ROBO1: variants seen among roughly 807,000 people sequenced by gnomAD.
ROBO1 encodes roundabout guidance receptor 1, also known as roundabout homolog 1.
Under a neutral mutation model 195.9 loss-of-function variants are expected in ROBO1, and 149 were observed. The observed-to-expected ratio is 0.76, with a 90% CI of 0.67 to 0.87. ROBO1 has a LOEUF of 0.87. ROBO1 is among the 40% of genes least tolerant of loss of function. ROBO1 has a pLI of 0.00. For synonymous variants in ROBO1, 816 were observed against 733.2 expected (o/e 1.11, Z -1.82); for missense variants, 1,933 against 2,068.3 (o/e 0.93, Z 1.27).
At chr3:78,661,315 A>C in intron 15 of ROBO1, 54 bp from the exon 16 acceptor site, 1 of 1,114,034 alleles carries the variant, frequency 9.0e-7, no homozygotes, top group Non-Finnish European at 1.2e-6. Context: ...TTGGTTCATC[A>C]GAAAATAATA....
At chr3:79,062,082 A>T (rs1217981601) in intron 3 of ROBO1, among the ~76,000 whole-genome samples, 1 of 152,078 alleles carries the variant, frequency 6.6e-6, no homozygotes, top group East Asian at 1.9e-4. Context: ...GATGGGAAAA[A>T]ATTTTTGCAA....
At chr3:79,018,480 G>A (rs1044923729) in intron 3 of ROBO1, 1 of 1,613,762 alleles carries the variant, frequency 6.2e-7, no homozygotes, top group African/African-American at 1.3e-5. Flanking sequence ...GGTGGATCCT[G>A]TATACAGTCT....
At chr3:79,707,436 G>T (rs904365519) in intron 1 of ROBO1, among the ~76,000 whole-genome samples, 9 of 151,976 alleles carry the variant, frequency 5.9e-5, no homozygotes, top group Non-Finnish European at 1.0e-4. Context: ...TATTTTCAAA[G>T]AATCTGCTTT....
At chr3:79,520,060 T>C (rs570802707) in intron 2 of ROBO1, among the ~76,000 whole-genome samples, 2 of 151,202 alleles carry the variant, frequency 1.3e-5, no homozygotes, top group South Asian at 4.2e-4. Context: ...CTCAGCTACT[T>C]AGAAGGTAGG....
At chr3:78,792,807 A>T (rs2084061407) in intron 4 of ROBO1, among the ~76,000 whole-genome samples, 1 of 152,122 alleles carries the variant, frequency 6.6e-6, no homozygotes, top group African/African-American at 2.4e-5. Flanking sequence ...TCTATATTGG[A>T]AACAGTCTTT....
At chr3:78,605,495 T>G (rs1417455315) in intron 29 of ROBO1, among the ~76,000 whole-genome samples, 1 of 152,236 alleles carries the variant, frequency 6.6e-6, no homozygotes, top group Non-Finnish European at 1.5e-5. Context: ...GGTTTGGTTT[T>G]GTTTTCTTCC....
At chr3:79,337,010 T>C (rs2034699103) in intron 2 of ROBO1, among the ~76,000 whole-genome samples, 1 of 152,186 alleles carries the variant, frequency 6.6e-6, no homozygotes, top group African/African-American at 2.4e-5. Flanking sequence ...TATAGCCCCT[T>C]TGTTTTGTCC....
chr3:79,681,278 C>T (rs2106975021), intron 1 of ROBO1, among the ~76,000 whole-genome samples: 1 of 152,078 alleles, frequency 6.6e-6, no homozygotes, highest in Non-Finnish European at 1.5e-5. Flanking sequence ...GATGCCTCCA[C>T]TATTTCCAAG....
rs905030340 is a variant in ROBO1, at chr3:79,735,893, A to G, written c.-51+31859T>C. 6.6e-5 allele frequency among the ~76,000 whole-genome samples: 10 copies of G among 152,076 alleles called. No individual in the cohort carries two copies. In the South Asian group the frequency reaches 1.9e-3, roughly 28 times the overall value. The stretch of plus-strand genomic sequence containing the variant: ...CTCAAAAAAAAAAAAAAAACAAAAA[A>G]AAAACAAAAAATGCCTGACACTGCC... On this transcript the variant is annotated intron_variant, in intron 1 of 30. Coordinates refer to ENST00000464233, the MANE Select transcript of ROBO1 (RefSeq NM_002941.4).
At chr3:78,616,902 G>A (rs923853422) in intron 27 of ROBO1, among the ~76,000 whole-genome samples, 2 of 152,088 alleles carry the variant, frequency 1.3e-5, no homozygotes, top group Non-Finnish European at 2.9e-5. Context: ...GTAAAAATAT[G>A]TTGTAACATA....
chr3:78,701,117 G>C (rs1454521421), intron 8 of ROBO1, among the ~76,000 whole-genome samples: 1 of 152,130 alleles, frequency 6.6e-6, no homozygotes, highest in East Asian at 1.9e-4. Flanking sequence ...TGGATGACTT[G>C]TTTGTAATTT....
At chr3:79,603,000 C>T (rs887474028) in intron 1 of ROBO1, among the ~76,000 whole-genome samples, 2 of 152,028 alleles carry the variant, frequency 1.3e-5, no homozygotes, top group Admixed American at 1.3e-4. Flanking sequence ...TACACACATA[C>T]ATTCACTGAC....
At chr3:78,713,145 C>A (rs1269727521) in intron 8 of ROBO1, among the ~76,000 whole-genome samples, 1 of 152,126 alleles carries the variant, frequency 6.6e-6, no homozygotes, top group Non-Finnish European at 1.5e-5. Context: ...AAAGAGTAGT[C>A]TTGGCCTTAG....
chr3:79,750,553 C>T (rs1044447215), intron 1 of ROBO1, among the ~76,000 whole-genome samples: 8 of 152,100 alleles, frequency 5.3e-5, no homozygotes, highest in Non-Finnish European at 1.2e-4. Context: ...AGGAGGAATC[C>T]AGTAGGAGGT....
At chr3:79,551,980 T>TAAAAAAAAAAAAAAAAAAA (rs771824432) in intron 2 of ROBO1, among the ~76,000 whole-genome samples, 1 of 44,222 alleles carries the variant, frequency 2.3e-5, no homozygotes, top group Non-Finnish European at 3.8e-5. Context: ...TCTACAGAGT[T>TAAAAAAAAAAAAAAAAAAA]AAAAAAAAAA....
intron 1 of ROBO1, among the ~76,000 whole-genome samples, chr3:79,735,104 G>A (rs1420608195): frequency 1.3e-5 from 2 of 152,162 alleles, no homozygotes; most frequent in Non-Finnish European, 2.9e-5. Flanking sequence ...AAGCATAGGC[G>A]GATGGATCCA....
At position 79,267,899 on chromosome 3, in the gene ROBO1, A is replaced by G. The variant is rs185662611; in HGVS notation, c.89-142360T>C. ...ATTATATAAGAACACCAGAATTAGC[A>G]AACAGAGAAGCCTGATGAAAGACAT... is the stretch of plus-strand genomic sequence containing the variant. On this transcript the variant is annotated intron_variant, in intron 2 of 30. Transcript: ENST00000464233. Among the ~76,000 whole-genome samples the G allele has an allele frequency of 2.6e-5, 4 of 151,728 alleles. No individual in the cohort carries two copies. The East Asian group carries it at 7.8e-4, about 29-fold the overall frequency.
intron 4 of ROBO1, among the ~76,000 whole-genome samples, chr3:78,770,683 A>T (rs2083350204): frequency 6.6e-6 from 1 of 152,192 alleles, no homozygotes; most frequent in African/African-American, 2.4e-5. Flanking sequence ...TTGAGGACAT[A>T]GTCCTAAGTT....
At chr3:79,542,842 C>T (rs1040289136) in intron 2 of ROBO1, among the ~76,000 whole-genome samples, 2 of 151,962 alleles carry the variant, frequency 1.3e-5, no homozygotes, top group Admixed American at 1.3e-4. Context: ...GTGATTTGCT[C>T]TTTAAGGTAG....
Sources: gnomAD v4.1 joint callset for allele counts (sites outside exome capture counted in the v4.1 genomes callset) on GRCh38, gnomAD v4.1.1 for gene constraint, MANE v1.5 for transcripts, NCBI Gene and HGNC (gene_info 2026-07-23, HGNC 2026-07-21) for gene names.